Variants in CNR2 observed in about 807,000 individuals in gnomAD.
CNR2 encodes the protein cannabinoid receptor 2, also known as cannabinoid receptor 2 (macrophage).
For synonymous variants in CNR2, 172 were observed against 182.2 expected (o/e 0.94, Z 0.45); for missense variants, 379 against 439.9 (o/e 0.86, Z 1.24).
At chr1:23,901,858 G>A (rs1254804931) in intron 1 of CNR2, 6 of 1,609,234 alleles carry the variant, frequency 3.7e-6, no homozygotes, top group East Asian at 4.5e-5. Context: ...GGATGCTGTC[G>A]CAGCGCCCGC....
At chr1:23,880,097 G>A (rs1639952958) in intron 1 of CNR2, among the ~76,000 whole-genome samples, 1 of 150,742 alleles carries the variant, frequency 6.6e-6, no homozygotes. Context: ...CTCTCACCTT[G>A]TTTAAGTCTT....
chr1:23,912,352 T>C (rs1640601041), intron 1 of CNR2, among the ~76,000 whole-genome samples: 1 of 152,184 alleles, frequency 6.6e-6, no homozygotes, highest in South Asian at 2.1e-4. Flanking sequence ...TCCCCATCTA[T>C]AAAATGAGAG....
At chr1:23,887,227 T>C (rs866748181) in intron 1 of CNR2, among the ~76,000 whole-genome samples, 10 of 152,176 alleles carry the variant, frequency 6.6e-5, no homozygotes, top group Non-Finnish European at 1.3e-4. Context: ...AGTGCAAGCC[T>C]TTCTCAGCTC....
intron 1 of CNR2, chr1:23,902,594 G>A: frequency 1.9e-6 from 3 of 1,605,694 alleles, no homozygotes; most frequent in Non-Finnish European, 2.6e-6. Context: ...AGTAGAACAT[G>A]GCATAGAAGA....
At chr1:23,899,875 G>A (rs1557532479) in intron 1 of CNR2, among the ~76,000 whole-genome samples, 1 of 964 alleles carries the variant, frequency 1.0e-3, no homozygotes, top group African/African-American at 1.1e-3. Context: ...AGGAAAGAGA[G>A]AGAGAGAAAG....
At chr1:23,877,239 A>G (rs1431869021) in intron 1 of CNR2, among the ~76,000 whole-genome samples, 1 of 152,076 alleles carries the variant, frequency 6.6e-6, no homozygotes, top group Non-Finnish European at 1.5e-5. Flanking sequence ...AAAAAGATTC[A>G]AGTAGAATTT....
At chr1:23,889,915 G>A (rs1266985172) in intron 1 of CNR2, among the ~76,000 whole-genome samples, 2 of 152,122 alleles carry the variant, frequency 1.3e-5, no homozygotes, top group Non-Finnish European at 2.9e-5. Flanking sequence ...ACTGTACCTG[G>A]TTTACAGTAG....
intron 1 of CNR2, among the ~76,000 whole-genome samples, chr1:23,876,828 C>T (rs1639888608): frequency 1.1e-5 from 1 of 88,994 alleles, no homozygotes; most frequent in Non-Finnish European, 2.1e-5. Flanking sequence ...GAGCAAGACT[C>T]TGTCTCAAAA....
intron 1 of CNR2, among the ~76,000 whole-genome samples, chr1:23,884,495 G>A (rs1398813634): frequency 1.3e-5 from 2 of 150,350 alleles, no homozygotes; most frequent in Non-Finnish European, 3.0e-5. Context: ...TAGCAGAGAC[G>A]GGGTTTCACC....
intron 1 of CNR2, among the ~76,000 whole-genome samples, chr1:23,903,032 G>T (rs1182938970): frequency 3.3e-5 from 5 of 151,778 alleles, no homozygotes; most frequent in South Asian, 2.1e-4. Flanking sequence ...GAGGTCGGGC[G>T]CTGAGCGACG....
At position 23,874,252 on chromosome 1, in the gene CNR2, A is replaced by C; in HGVS notation, c.*283T>G. Reference sequence around the variant, plus strand: ...GGCTCCTGTGGTCTCTGGAGGATGCAGGCATGAAGCCTGACCTGACTTGTA... The same window carrying C: ...GGCTCCTGTGGTCTCTGGAGGATGCCGGCATGAAGCCTGACCTGACTTGTA... On this transcript the variant is annotated 3_prime_UTR_variant, in exon 2 of 2. Coordinates refer to ENST00000374472, the MANE Select transcript of CNR2 (RefSeq NM_001841.3). 1 of 314,828 alleles carries C rather than the reference A, an allele frequency of 3.2e-6. No homozygotes were observed. Among genetic ancestry groups the C allele is most frequent in the African/African-American group, 2.1e-5 (1 of 48,448 alleles). The allele number at this position is 314,828 out of a possible 1,614,324, so 19.5% of individuals were successfully genotyped here.
chr1:23,895,472 G>A (rs1640264703), intron 1 of CNR2, among the ~76,000 whole-genome samples: 1 of 152,122 alleles, frequency 6.6e-6, no homozygotes, highest in Admixed American at 6.6e-5. Flanking sequence ...AAAACCCATA[G>A]CAAGTGGCGG....
chr1:23,899,958 A>T (rs2148468557), intron 1 of CNR2, among the ~76,000 whole-genome samples: 1 of 8,120 alleles, frequency 1.2e-4, no homozygotes, highest in South Asian at 0.1. Context: ...GAAAGAAAGG[A>T]AAGAAAGAAA....
chr1:23,911,228 C>T (rs973512783), intron 1 of CNR2, among the ~76,000 whole-genome samples: 3 of 151,962 alleles, frequency 2.0e-5, no homozygotes, highest in Admixed American at 6.5e-5. Context: ...TTGTCCTTGG[C>T]TGGGAGGGGA....
At position 23,874,793 on chromosome 1, in the gene CNR2, G is replaced by T. The variant is rs199680710; in HGVS notation, c.825C>A (p.Asp275Glu). 3 of 1,614,032 alleles carry T rather than the reference G, an allele frequency of 1.9e-6. No homozygotes were observed. Among genetic ancestry groups the T allele is most frequent in the Non-Finnish European group, 1.7e-6 (2 of 1,180,044 alleles). Residue 275 changes from aspartate (D) to glutamate (E), a missense_variant, in exon 2 of 2, where the codon GAC (aspartate) becomes GAA (glutamate). Coordinates refer to ENST00000374472, the MANE Select transcript of CNR2 (RefSeq NM_001841.3). ...AGAAAGCAAAGGCCTTCTTGACCTG[G>T]TCACTGAGCGTAGTGGCCAGGCTGT... ...MAHSLATTLS[D>E]QVKKAFAFCS... is the part of the protein sequence containing the mutation.
At chr1:23,883,338 G>C (rs774243629) in intron 1 of CNR2, among the ~76,000 whole-genome samples, 1 of 152,194 alleles carries the variant, frequency 6.6e-6, no homozygotes, top group Non-Finnish European at 1.5e-5. Flanking sequence ...TTGCAGTCCC[G>C]GGAATACGTT....
At chr1:23,898,117 C>G (rs891616747) in intron 1 of CNR2, among the ~76,000 whole-genome samples, 19 of 146,656 alleles carry the variant, frequency 1.3e-4, no homozygotes, top group Non-Finnish European at 2.3e-4. Context: ...AGCTCCGCCT[C>G]CTGGGTTCAC....
chr1:23,902,886 C>T (rs1366785866), intron 1 of CNR2: 6 of 1,154,396 alleles, frequency 5.2e-6, no homozygotes, highest in Non-Finnish European at 6.4e-6. Context: ...GCGGCCGCGG[C>T]GCTGGCGGGG....
At chr1:23,890,097 AC>A (rs1230799072) in intron 1 of CNR2, among the ~76,000 whole-genome samples, 4 of 151,894 alleles carry the variant, frequency 2.6e-5, no homozygotes, top group Admixed American at 6.6e-5. Context: ...CCCCATCTCT[AC>A]AAAAAATACA....
Sources: allele counts gnomAD v4.1 joint callset (sites outside exome capture counted in the v4.1 genomes callset), GRCh38; gene constraint gnomAD v4.1.1; transcripts MANE v1.5; gene names NCBI Gene and HGNC (gene_info 2026-07-23, HGNC 2026-07-21).